Variants in ADAMTS17 observed in about 807,000 individuals in gnomAD.
The protein encoded by ADAMTS17 is ADAM metallopeptidase with thrombospondin type 1 motif 17.
In ADAMTS17, 113 loss-of-function variants were observed where a neutral mutation model predicts 141.5. The observed-to-expected ratio is 0.80, with a 90% CI of 0.69 to 0.93. ADAMTS17 has a LOEUF of 0.93. ADAMTS17 is among the 40% of genes least tolerant of loss of function. The pLI is 0.00. For synonymous variants in ADAMTS17, 768 were observed against 630.6 expected (o/e 1.22, Z -3.27); for missense variants, 1,659 against 1,517.9 (o/e 1.09, Z -1.54).
chr15:100,139,153 G>A (rs1226623848), intron 10 of ADAMTS17, among the ~76,000 whole-genome samples: 1 of 152,082 alleles, frequency 6.6e-6, no homozygotes, highest in African/African-American at 2.4e-5. Flanking sequence ...TGAACCTTTT[G>A]TTAAACAATA....
chr15:100,240,504 TC>T (rs1340547726), intron 7 of ADAMTS17, among the ~76,000 whole-genome samples: 1 of 151,872 alleles, frequency 6.6e-6, no homozygotes, highest in African/African-American at 2.4e-5. Context: ...GTAAAGGTGC[TC>T]CCCCCTCACT....
chr15:100,184,841 G>GT (rs898835353), intron 8 of ADAMTS17, among the ~76,000 whole-genome samples: 56 of 152,298 alleles, frequency 3.7e-4, no homozygotes, highest in African/African-American at 1.3e-3. Context: ...TCTGGGATCT[G>GT]TATGTGGCAG....
At chr15:99,996,452 C>CA (rs924817305) in intron 19 of ADAMTS17, among the ~76,000 whole-genome samples, 7 of 152,006 alleles carry the variant, frequency 4.6e-5, no homozygotes, top group African/African-American at 9.7e-5. Context: ...TAGACAAAGA[C>CA]AAAAAAATCA....
At chr15:100,101,609 T>C (rs2036106991) in intron 14 of ADAMTS17, among the ~76,000 whole-genome samples, 1 of 152,228 alleles carries the variant, frequency 6.6e-6, no homozygotes, top group African/African-American at 2.4e-5. Context: ...GAATTCTTTG[T>C]ATTCTTGGCC....
At chr15:99,980,276 GCA>G (rs1288314945) in intron 20 of ADAMTS17, 13 of 152,220 alleles carry the variant, frequency 8.5e-5, no homozygotes, top group African/African-American at 2.4e-4. Flanking sequence ...AGCTGAGATT[GCA>G]CCACTGCACT....
At chr15:100,209,107 AGTTAG>A (rs2141701750) in intron 7 of ADAMTS17, among the ~76,000 whole-genome samples, 1 of 113,396 alleles carries the variant, frequency 8.8e-6, no homozygotes, top group South Asian at 3.7e-4. Flanking sequence ...ATATTTGCCA[AGTTAG>A]CAAAAAAAAA....
At chr15:100,263,094 T>C (rs1370224656) in intron 4 of ADAMTS17, among the ~76,000 whole-genome samples, 2 of 152,106 alleles carry the variant, frequency 1.3e-5, no homozygotes, top group African/African-American at 4.8e-5. Context: ...AAGGTGGTTT[T>C]GAAAAAAAGA....
At chr15:100,280,615 C>T (rs2049599632) in intron 4 of ADAMTS17, among the ~76,000 whole-genome samples, 1 of 152,160 alleles carries the variant, frequency 6.6e-6, no homozygotes, top group African/African-American at 2.4e-5. Context: ...CTTATGGCTC[C>T]CCGTTCCCGC....
Position 99,973,408 on chromosome 15 carries a change from A to G in ADAMTS17, c.*994T>C, listed in dbSNP as rs1378240429. 1 of 152,196 alleles carries G rather than the reference A, an allele frequency of 6.6e-6. No individual in the cohort carries two copies. Among genetic ancestry groups the G allele is most frequent in the Non-Finnish European group, 1.5e-5 (1 of 68,104 alleles). 9.4% of individuals were successfully genotyped at this position (152,196 alleles called of 1,614,324 possible). The stretch of plus-strand genomic sequence containing the variant: ...TGGGCTTGTGTCCTCAGAGGTCCCA[A>G]ATGTCGTCTTACCTTCAGATAAATG... On this transcript the variant is annotated 3_prime_UTR_variant, in exon 22 of 22. Transcript: ENST00000268070.
In ADAMTS17 at chr15:100,217,514, G is replaced by A. The variant is rs112183154; in HGVS notation, c.1076-18091C>T. On this transcript the variant is annotated intron_variant, in intron 7 of 21. Coordinates refer to ENST00000268070, the MANE Select transcript of ADAMTS17 (RefSeq NM_139057.4). ...CTCGGGAGGCTGAGGCAGGAGAATC[G>A]CTTGAATCCGGGAGGCGGAGGCTGC... is the stretch of plus-strand genomic sequence containing the variant. Among the ~76,000 whole-genome samples the A allele has an allele frequency of 4.8e-3, 731 of 152,184 alleles. 7 individuals are homozygous for A. The highest frequency in any genetic ancestry group is 0.016 in the African/African-American group (684 of 41,524).
intron 7 of ADAMTS17, among the ~76,000 whole-genome samples, chr15:100,201,934 G>A (rs532361563): frequency 2.6e-5 from 4 of 152,362 alleles, no homozygotes; most frequent in South Asian, 2.1e-4. Flanking sequence ...CCACGTGGGT[G>A]CACGCACACG....
Position 100,223,845 on chromosome 15 carries a change from T to C in ADAMTS17, c.1076-24422A>G, listed in dbSNP as rs574667936. Among the ~76,000 whole-genome samples the C allele has an allele frequency of 1.7e-4, 26 of 151,904 alleles. No homozygotes were observed. The East Asian group carries it at 4.3e-3, about 25-fold the overall frequency. On this transcript the variant is annotated intron_variant, in intron 7 of 21. Transcript: ENST00000268070. Reference sequence around the variant, plus strand: ...TATATGTGTGTATATATATGGAGTTTATTAAGTATTAACTTATACATTCAC... The same window carrying C: ...TATATGTGTGTATATATATGGAGTTCATTAAGTATTAACTTATACATTCAC...
rs181912114 is a variant in ADAMTS17, at chr15:99,983,232, T to C, written c.2950-7010A>G. Among the ~76,000 whole-genome samples the C allele has an allele frequency of 8.7e-3, 1,327 of 152,238 alleles. 74 individuals are homozygous for C. The highest frequency in any genetic ancestry group is 0.077 in the Admixed American group (1,184 of 15,290). ...GGGACCGGGCTTACGTACGAGCTTG[T>C]TAATCCTCACACTGACAGCTGCCGT... On this transcript the variant is annotated intron_variant, in intron 20 of 21. Transcript: ENST00000268070.
chr15:100,088,992 A>T (rs1039054832), intron 15 of ADAMTS17, among the ~76,000 whole-genome samples: 6 of 151,444 alleles, frequency 4.0e-5, no homozygotes, highest in Non-Finnish European at 5.9e-5. Context: ...GACAAATGGG[A>T]TCTAATTCAA....
chr15:100,144,032 T>C (rs2038781227), intron 10 of ADAMTS17, among the ~76,000 whole-genome samples: 1 of 152,226 alleles, frequency 6.6e-6, no homozygotes, highest in Non-Finnish European at 1.5e-5. Context: ...TCAGGGTATG[T>C]GGTGAATGCA....
At chr15:100,259,330 C>T (rs1024106928) in intron 6 of ADAMTS17, among the ~76,000 whole-genome samples, 6 of 152,230 alleles carry the variant, frequency 3.9e-5, no homozygotes, top group African/African-American at 1.4e-4. Flanking sequence ...AATCATGGTA[C>T]CCTTAACCTG....
intron 4 of ADAMTS17, among the ~76,000 whole-genome samples, chr15:100,267,669 G>GC (rs997693389): frequency 1.3e-5 from 2 of 148,934 alleles, no homozygotes; most frequent in Non-Finnish European, 3.0e-5. Context: ...CTCAGCCCTT[G>GC]CCCCCCTCCC....
At chr15:100,215,291 G>A (rs1596297196) in intron 7 of ADAMTS17, among the ~76,000 whole-genome samples, 2 of 152,172 alleles carry the variant, frequency 1.3e-5, no homozygotes, top group Non-Finnish European at 2.9e-5. Context: ...ATGAGCTGAC[G>A]ATTTTCCTGG....
At chr15:100,055,744 C>T (rs540666737) in intron 15 of ADAMTS17, among the ~76,000 whole-genome samples, 2 of 152,328 alleles carry the variant, frequency 1.3e-5, no homozygotes, top group East Asian at 3.9e-4. Flanking sequence ...TCTCCTTTTT[C>T]TCTTCTTCTG....
Sources: allele counts gnomAD v4.1 joint callset (sites outside exome capture counted in the v4.1 genomes callset), GRCh38; gene constraint gnomAD v4.1.1; transcripts MANE v1.5; gene names NCBI Gene and HGNC (gene_info 2026-07-23, HGNC 2026-07-21).